ANKS1B: variants seen among roughly 807,000 people sequenced by gnomAD.
ANKS1B encodes the protein ankyrin repeat and sterile alpha motif domain-containing protein 1B.
Under a neutral mutation model 148.3 loss-of-function variants are expected in ANKS1B, and 36 were observed. The ratio of observed to expected loss-of-function variants is 0.24; its 90% CI spans 0.19 to 0.32. The LOEUF (loss-of-function observed/expected upper bound fraction) is 0.32. Among genes scored for constraint, ANKS1B ranks in the 10% least tolerant of loss-of-function variants. The pLI, the probability that ANKS1B is intolerant of heterozygous loss-of-function variation, is 1.00. For missense variants in ANKS1B, 1,157 were observed against 1,542.6 expected, an observed-to-expected ratio of 0.75 and a Z score of 4.19; for synonymous variants, 542 against 560.8, an observed-to-expected ratio of 0.97 and a Z score of 0.47.
At chr12:99,845,170 C>G (rs1408126849) in intron 1 of ANKS1B, among the ~76,000 whole-genome samples, 3 of 152,098 alleles carry the variant, frequency 2.0e-5, no homozygotes, top group Non-Finnish European at 4.4e-5. Context: ...ATCACGTTAT[C>G]TGCAAACAAA....
chr12:99,323,402 G>A (rs997337083), intron 12 of ANKS1B, among the ~76,000 whole-genome samples: 1 of 152,090 alleles, frequency 6.6e-6, no homozygotes, highest in African/African-American at 2.4e-5. Context: ...AAAATTAATG[G>A]TCAGTGATTT....
At chr12:99,665,281 T>C (rs1201375146) in intron 8 of ANKS1B, among the ~76,000 whole-genome samples, 2 of 152,200 alleles carry the variant, frequency 1.3e-5, no homozygotes, top group Non-Finnish European at 2.9e-5. Flanking sequence ...CACTTAATTT[T>C]AGTTATTCTA....
intron 10 of ANKS1B, among the ~76,000 whole-genome samples, chr12:99,485,627 C>T (rs190856729): frequency 3.9e-5 from 6 of 152,166 alleles, no homozygotes; most frequent in Admixed American, 2.6e-4. Flanking sequence ...GTTTTCCAGA[C>T]TTAATATTTT....
At chr12:99,447,444 T>TA (rs1160173426) in intron 10 of ANKS1B, among the ~76,000 whole-genome samples, 6 of 151,862 alleles carry the variant, frequency 4.0e-5, no homozygotes, top group African/African-American at 1.5e-4. Flanking sequence ...GACCACTCTC[T>TA]AAAAAAACAT....
intron 9 of ANKS1B, among the ~76,000 whole-genome samples, chr12:99,638,315 A>G (rs1690490696): frequency 6.6e-6 from 1 of 152,116 alleles, no homozygotes. Flanking sequence ...GATATGGGGA[A>G]GTTTGGAGCT....
At chr12:99,603,628 A>T (rs1443296985) in intron 9 of ANKS1B, among the ~76,000 whole-genome samples, 1 of 152,154 alleles carries the variant, frequency 6.6e-6, no homozygotes, top group African/African-American at 2.4e-5. Context: ...CCATAAAATA[A>T]GAATCCTTAC....
intron 12 of ANKS1B, among the ~76,000 whole-genome samples, chr12:99,346,080 T>C (rs914148967): frequency 6.6e-6 from 1 of 152,000 alleles, no homozygotes; most frequent in Non-Finnish European, 1.5e-5. Context: ...CCACATGCTT[T>C]ATAACTCAAC....
intron 1 of ANKS1B, among the ~76,000 whole-genome samples, chr12:99,959,372 T>G (rs892959526): frequency 6.6e-6 from 1 of 151,654 alleles, no homozygotes; most frequent in African/African-American, 2.4e-5. Context: ...CCACCATGCC[T>G]GGCCAAGAAC....
At chr12:99,718,975 T>A (rs978715607) in intron 8 of ANKS1B, among the ~76,000 whole-genome samples, 1 of 152,190 alleles carries the variant, frequency 6.6e-6, no homozygotes, top group Non-Finnish European at 1.5e-5. Flanking sequence ...CTGCTGATTG[T>A]GTCCGACTAA....
rs1056210940 is a variant in ANKS1B, at chr12:99,262,121, G to A, written c.1757-15257C>T. Among the ~76,000 whole-genome samples, 7 of 151,934 alleles carry A rather than the reference G, an allele frequency of 4.6e-5. No homozygotes were observed. The East Asian group carries it at 7.7e-4, about 17-fold the overall frequency. ...CCTTCTTCAAATATCTATTCCTAAC[G>A]AAACCTTACTTCATAATTTTTTCAA... is the stretch of plus-strand genomic sequence containing the variant. On this transcript the variant is annotated intron_variant, in intron 12 of 26. Coordinates refer to ENST00000683438, the MANE Select transcript of ANKS1B (RefSeq NM_001352186.2).
chr12:99,202,075 T>C (rs747409292), intron 14 of ANKS1B, among the ~76,000 whole-genome samples: 7 of 152,206 alleles, frequency 4.6e-5, no homozygotes, highest in East Asian at 1.9e-4. Context: ...ACAGAGTACA[T>C]TGGCTTCTTC....
At chr12:99,526,026 T>A (rs1009660445) in intron 9 of ANKS1B, among the ~76,000 whole-genome samples, 6 of 152,126 alleles carry the variant, frequency 3.9e-5, no homozygotes, top group African/African-American at 1.2e-4. Flanking sequence ...TACAGGCAGT[T>A]GTAAAAATAG....
At position 99,443,684 on chromosome 12, in the gene ANKS1B, T is replaced by C; in HGVS notation, c.1564A>G (p.Ile522Val). 6.2e-7 allele frequency: 1 copy of C among 1,611,750 alleles called. No individual in the cohort carries two copies. The highest frequency in any genetic ancestry group is 8.5e-7 in the Non-Finnish European group (1 of 1,178,558). ...DTALKNIVKV[I>V]RPQPKQRTSI... ...TTCTGGGCACTTACCTGGGGTCGAA[T>C]GACTTTTACAATATTTTTGAGGGCA... The change falls in exon 11 of 27, where the codon ATT becomes GTT. Residue 522 changes from isoleucine to valine, a missense_variant. By Grantham distance (29) the Ile-to-Val change is conservative. This residue lies in a region of ANKS1B where 661 missense variants were observed against 642.1 expected (regional missense o/e 1.03). Transcript: ENST00000683438.
intron 12 of ANKS1B, among the ~76,000 whole-genome samples, chr12:99,364,463 C>T (rs370374054): frequency 1.3e-5 from 2 of 152,290 alleles, no homozygotes; most frequent in African/African-American, 4.8e-5. Context: ...ATTATTGTTA[C>T]TGCCATAGCT....
chr12:99,527,682 T>C (rs2096940605), intron 9 of ANKS1B, among the ~76,000 whole-genome samples: 1 of 152,204 alleles, frequency 6.6e-6, no homozygotes, highest in Non-Finnish European at 1.5e-5. Context: ...ACTCTGCCTT[T>C]TTTAACAAAG....
intron 18 of ANKS1B, 138 bp downstream of exon 18, chr12:98,831,891 A>G (rs1204437225): frequency 1.3e-6 from 1 of 743,214 alleles, no homozygotes; most frequent in Non-Finnish European, 2.4e-6. Context: ...CTGGGACTAC[A>G]GACAGGCACA....
chr12:99,370,784 T>C (rs992766974), intron 12 of ANKS1B, among the ~76,000 whole-genome samples: 2 of 152,120 alleles, frequency 1.3e-5, no homozygotes, highest in Admixed American at 1.3e-4. Flanking sequence ...AAAATGACCA[T>C]AATTTATCAG....
At chr12:98,973,225 AT>A (rs149038518) in intron 17 of ANKS1B, among the ~76,000 whole-genome samples, 47,490 of 145,828 alleles carry the variant, frequency 0.33, 8,918 homozygotes, top group African/African-American at 0.56. Context: ...AAAAAAAAAA[AT>A]AATAAAGAAA....
At chr12:99,890,304 A>G (rs1320750825) in intron 1 of ANKS1B, among the ~76,000 whole-genome samples, 1 of 152,168 alleles carries the variant, frequency 6.6e-6, no homozygotes, top group African/African-American at 2.4e-5. Context: ...AATGTAGATG[A>G]GGCTCATACA....
Sources: gnomAD v4.1 joint callset for allele counts (sites outside exome capture counted in the v4.1 genomes callset) on GRCh38, gnomAD v4.1.1 for gene constraint, gnomAD v4.1.1 regional missense constraint, MANE v1.5 for transcripts, NCBI Gene and HGNC (gene_info 2026-07-23, HGNC 2026-07-21) for gene names.